Variants in RBFOX1 observed in about 807,000 individuals in gnomAD.
RBFOX1 encodes RNA binding protein fox-1 homolog 1.
RBFOX1 carries 8 observed loss-of-function variants against 57.7 expected under a neutral mutation model. The ratio of observed to expected loss-of-function variants is 0.14; its 90% CI spans 0.08 to 0.25. The LOEUF (loss-of-function observed/expected upper bound fraction) is 0.25, where lower values mean the gene tolerates loss of function less well. Among genes scored for constraint, RBFOX1 ranks in the 10% least tolerant of loss-of-function variants. The pLI is 1.00. For missense variants in RBFOX1, 611 were observed against 548.5 expected (o/e 1.11, Z -1.14); for synonymous variants, 326 against 222.4 (o/e 1.47, Z -4.15).
intron 3 of RBFOX1, among the ~76,000 whole-genome samples, chr16:5,790,510 G>GA (rs60645917): frequency 0.023 from 3,354 of 142,970 alleles, 123 homozygotes; most frequent in African/African-American, 0.076. Context: ...ACAATATGCT[G>GA]AAAAAAAAAA....
At chr16:5,850,325 A>C (rs1303326462) in intron 3 of RBFOX1, among the ~76,000 whole-genome samples, 1 of 152,196 alleles carries the variant, frequency 6.6e-6, no homozygotes, top group Non-Finnish European at 1.5e-5. Flanking sequence ...CCAGAAAGAA[A>C]ATGGAGCTGA....
intron 2 of RBFOX1, among the ~76,000 whole-genome samples, chr16:6,437,886 C>T (rs775082078): frequency 1.6e-4 from 25 of 152,152 alleles, no homozygotes; most frequent in Non-Finnish European, 2.9e-4. Context: ...CCTCCTCCAA[C>T]ATTAAGAGTT....
chr16:7,475,193 A>T (rs2062393805), intron 4 of RBFOX1, among the ~76,000 whole-genome samples: 1 of 151,962 alleles, frequency 6.6e-6, no homozygotes, highest in African/African-American at 2.4e-5. Context: ...ACTCATAGCA[A>T]CTCGGGAGGG....
At chr16:6,925,910 T>C (rs1597399593) in intron 3 of RBFOX1, among the ~76,000 whole-genome samples, 1 of 152,190 alleles carries the variant, frequency 6.6e-6, no homozygotes, top group East Asian at 1.9e-4. Context: ...CATCTATTTA[T>C]TTATTTACTT....
chr16:7,525,678 G>A (rs1485188957), intron 5 of RBFOX1, among the ~76,000 whole-genome samples: 1 of 152,136 alleles, frequency 6.6e-6, no homozygotes. Flanking sequence ...TAGAATTGTT[G>A]GGTGTCCTGG....
intron 3 of RBFOX1, among the ~76,000 whole-genome samples, chr16:7,043,111 T>C (rs1329256650): frequency 6.6e-6 from 1 of 152,034 alleles, no homozygotes; most frequent in African/African-American, 2.4e-5. Context: ...TCTGTATCCT[T>C]GGGGAGGTCC....
At chr16:7,271,735 C>T (rs376282902) in intron 4 of RBFOX1, among the ~76,000 whole-genome samples, 17 of 152,084 alleles carry the variant, frequency 1.1e-4, no homozygotes, top group East Asian at 9.7e-4. Context: ...AAAGTCGGTC[C>T]TGCTTCTAGA....
At chr16:5,780,495 G>A (rs550010673) in intron 3 of RBFOX1, among the ~76,000 whole-genome samples, 10 of 152,066 alleles carry the variant, frequency 6.6e-5, no homozygotes, top group African/African-American at 1.7e-4. Flanking sequence ...ATAATATCAC[G>A]TTGTATACCA....
At chr16:6,339,171 G>T (rs966371902) in intron 2 of RBFOX1, among the ~76,000 whole-genome samples, 1 of 152,198 alleles carries the variant, frequency 6.6e-6, no homozygotes, top group African/African-American at 2.4e-5. Flanking sequence ...GTGCTGCTGA[G>T]GAAGGCCAAG....
chr16:6,148,310 G>A (rs1470225729), intron 1 of RBFOX1, among the ~76,000 whole-genome samples: 1 of 152,230 alleles, frequency 6.6e-6, no homozygotes, highest in Non-Finnish European at 1.5e-5. Flanking sequence ...CTGGGCGACG[G>A]AGTGAGACTC....
chr16:7,412,760 C>G (rs1452996244), intron 4 of RBFOX1, among the ~76,000 whole-genome samples: 1 of 152,088 alleles, frequency 6.6e-6, no homozygotes, highest in East Asian at 1.9e-4. Context: ...CATGGAATTA[C>G]GACTGGGCAT....
At position 6,098,942 on chromosome 16, in the gene RBFOX1, A is replaced by G. The variant is rs143659005; in HGVS notation, c.-127+78950A>G. On this transcript the variant is annotated intron_variant, in intron 1 of 15. Coordinates refer to ENST00000550418, the MANE Select transcript of RBFOX1 (RefSeq NM_018723.4). ...TTCGTTGAAGGACGGCCTGGACTGC[A>G]CTTCGTAAGCCACCTTCTGTAGTTC... 4.3e-3 allele frequency among the ~76,000 whole-genome samples: 651 copies of G among 152,286 alleles called. 6 individuals are homozygous for G. The highest frequency in any genetic ancestry group is 0.011 in the African/African-American group (462 of 41,572).
At chr16:7,117,340 A>G (rs1482047901) in intron 4 of RBFOX1, among the ~76,000 whole-genome samples, 1 of 152,206 alleles carries the variant, frequency 6.6e-6, no homozygotes, top group Non-Finnish European at 1.5e-5. Context: ...TAATGTGTCA[A>G]CAACCCTAAA....
chr16:7,421,895 A>G (rs553780253), intron 4 of RBFOX1, among the ~76,000 whole-genome samples: 15 of 152,236 alleles, frequency 9.9e-5, no homozygotes, highest in Non-Finnish European at 1.9e-4. Flanking sequence ...GTGAGCCCTT[A>G]AAAGTCATTT....
intron 3 of RBFOX1, among the ~76,000 whole-genome samples, chr16:6,956,843 G>A (rs1198887106): frequency 6.6e-6 from 1 of 152,142 alleles, no homozygotes; most frequent in Non-Finnish European, 1.5e-5. Context: ...CAAGGATTTG[G>A]ATGGGCTGGG....
In RBFOX1 at chr16:7,542,428, A is replaced by T. The variant is rs139231171; in HGVS notation, c.270+24039A>T. Reference sequence around the variant, plus strand: ...GGTGAAATTCCAGTTGATTTACCCAAACGGGTGCAAGTGCAGAGGAAGGAG... The same window carrying T: ...GGTGAAATTCCAGTTGATTTACCCATACGGGTGCAAGTGCAGAGGAAGGAG... On this transcript the variant is annotated intron_variant, in intron 5 of 15. Transcript: ENST00000550418. Among the ~76,000 whole-genome samples the T allele has an allele frequency of 5.1e-4, 77 of 152,210 alleles. No individual in the cohort carries two copies. The East Asian group carries it at 8.9e-3, about 18-fold the overall frequency.
At chr16:6,318,009 G>A (rs2081314543) in intron 2 of RBFOX1, among the ~76,000 whole-genome samples, 1 of 152,126 alleles carries the variant, frequency 6.6e-6, no homozygotes, top group Non-Finnish European at 1.5e-5. Flanking sequence ...AGAATTGGAG[G>A]ACATGGGACT....
rs145827202 is a variant in RBFOX1 at position 6,848,601 on chromosome 16, G to C, written c.-16+193951G>C. Among the ~76,000 whole-genome samples the C allele has an allele frequency of 4.1e-4, 63 of 151,904 alleles. No individual in the cohort carries two copies. The East Asian group carries it at 0.011, about 26-fold the overall frequency. On this transcript the variant is annotated intron_variant, in intron 3 of 15. Coordinates refer to ENST00000550418, the MANE Select transcript of RBFOX1 (RefSeq NM_018723.4). ...ATAGAACCAAAGAAAGAATGAAAGAGAAGATGTATGTGTATGTGTGTAGAG... is the reference window on the plus strand; with the variant it reads ...ATAGAACCAAAGAAAGAATGAAAGACAAGATGTATGTGTATGTGTGTAGAG...
At chr16:6,992,910 C>T (rs890949653) in intron 3 of RBFOX1, among the ~76,000 whole-genome samples, 1 of 151,172 alleles carries the variant, frequency 6.6e-6, no homozygotes, top group South Asian at 2.1e-4. Context: ...GTGTCATTCA[C>T]AAGGAATTAT....
Sources: gnomAD v4.1 joint callset for allele counts (sites outside exome capture counted in the v4.1 genomes callset) on GRCh38, gnomAD v4.1.1 for gene constraint, MANE v1.5 for transcripts, NCBI Gene and HGNC (gene_info 2026-07-23, HGNC 2026-07-21) for gene names.